Variants in PRDM15 observed in about 807,000 individuals in gnomAD.
The protein encoded by PRDM15 is PR/SET domain 15.
Under a neutral mutation model 128.6 loss-of-function variants are expected in PRDM15, and 64 were observed. The ratio of observed to expected loss-of-function variants is 0.50; its 90% CI spans 0.41 to 0.61. The LOEUF is 0.61. Among genes scored for constraint, PRDM15 ranks in the 20% least tolerant of loss-of-function variants. The probability of loss-of-function intolerance (pLI) is 0.00; values close to 1 mark genes in which losing one functional copy is unlikely to be tolerated. For missense variants in PRDM15, 1,242 were observed against 1,569.1 expected, an observed-to-expected ratio of 0.79 and a Z score of 3.52; for synonymous variants, 615 against 621.8, an observed-to-expected ratio of 0.99 and a Z score of 0.16.
chr21:41,836,232 T>C, intron 9 of PRDM15, 25 bp from the exon 10 acceptor site: 1 of 1,596,790 alleles, frequency 6.3e-7, no homozygotes, highest in Non-Finnish European at 8.6e-7. Context: ...AACAGAGAGC[T>C]CATTCACTAC....
rs927147256 is a variant in PRDM15 at position 41,859,839 on chromosome 21, T to C, written c.38-154A>G. Among the ~76,000 whole-genome samples the C allele has an allele frequency of 2.0e-5, 3 of 151,950 alleles. No individual in the cohort carries two copies. Among genetic ancestry groups the C allele is most frequent in the African/African-American group, 4.8e-5 (2 of 41,364 alleles). ...GCAAAGACAAGCAAGGGAGGGTGCATTGGATGGCAGAAGGCCTGTGTCCCG... is the reference window on the plus strand; with the variant it reads ...GCAAAGACAAGCAAGGGAGGGTGCACTGGATGGCAGAAGGCCTGTGTCCCG... On this transcript the variant is annotated intron_variant, in intron 2 of 23. Transcript: ENST00000398548. This position sits in a 1 kb window ranked among gnomAD's most constrained non-coding sequence, Gnocchi z 5.3.
chr21:41,874,525 A>ATATATATATATTTTT, intron 1 of PRDM15, among the ~76,000 whole-genome samples: 7 of 95,812 alleles, frequency 7.3e-5, no homozygotes, highest in Non-Finnish European at 1.4e-4. Context: ...ATATATATAT[A>ATATATATATATTTTT]TTTTTTTTTT....
In PRDM15 at chr21:41,862,480, A is replaced by T. The variant is rs2063851420; in HGVS notation, c.-9-2108T>A. ...CCCAAAAAAGGTCCCCTCTGAGCGG[A>T]GCTGCTGGGAGAGGAAACCCAGAAG... On this transcript the variant is annotated intron_variant, in intron 1 of 23. Coordinates refer to ENST00000398548, the MANE Select transcript of PRDM15 (RefSeq NM_001040424.3). This position sits in a 1 kb window ranked among gnomAD's most constrained non-coding sequence, Gnocchi z 4.1. Among the ~76,000 whole-genome samples the T allele has an allele frequency of 3.3e-5, 5 of 152,074 alleles. No homozygotes were observed. The South Asian group carries it at 1.0e-3, about 32-fold the overall frequency.
chr21:41,821,467 AG>A lies in PRDM15; in HGVS notation c.1897-238del, dbSNP rs1370041695. 6.6e-6 allele frequency among the ~76,000 whole-genome samples: 1 copy of A among 152,108 alleles called. No individual in the cohort carries two copies. Among genetic ancestry groups the A allele is most frequent in the Non-Finnish European group, 1.5e-5 (1 of 68,010 alleles). ...GGAAACAAACCACCCTCCTTTTTGGAGAGCCCCTTCCATGCACAGGGGAGGC... is the reference window on the plus strand; with the variant it reads ...GGAAACAAACCACCCTCCTTTTTGGAAGCCCCTTCCATGCACAGGGGAGGC... On this transcript the variant is annotated intron_variant, in intron 15 of 23. Transcript: ENST00000398548. The surrounding 1 kb of genome is among the most constrained non-coding windows in gnomAD (Gnocchi z 5.4).
At chr21:41,838,107 G>C in intron 7 of PRDM15, 44 bp from the exon 8 acceptor site, 1 of 1,606,854 alleles carries the variant, frequency 6.2e-7, no homozygotes, top group South Asian at 1.1e-5. Context: ...ACAAGAGCAG[G>C]GGACAAACAC....
intron 1 of PRDM15, among the ~76,000 whole-genome samples, chr21:41,869,832 G>A (rs930081243): frequency 9.9e-5 from 15 of 152,244 alleles, no homozygotes; most frequent in African/African-American, 3.4e-4. Context: ...CTGAGGCTGA[G>A]GTCCACCTTT....
chr21:41,871,494 C>G (rs1216159760), intron 1 of PRDM15: 1 of 1,596,702 alleles, frequency 6.3e-7, no homozygotes, highest in Admixed American at 1.7e-5. Context: ...GTGAGCCCAC[C>G]AGGAGGTAGG....
intron 21 of PRDM15, among the ~76,000 whole-genome samples, chr21:41,805,720 T>TAAGCACCAC (rs2061539882): frequency 6.8e-6 from 1 of 147,584 alleles, no homozygotes; most frequent in Non-Finnish European, 1.5e-5. Context: ...ATCACCACCA[T>TAAGCACCAC]AAGCACCACC....
chr21:41,803,034 T>C, intron 22 of PRDM15, 113 bp from the exon 23 acceptor site: 1 of 801,516 alleles, frequency 1.2e-6, no homozygotes, highest in Non-Finnish European at 2.1e-6. Flanking sequence ...GGGACGCTTG[T>C]GGGCCACCGA....
intron 18 of PRDM15, among the ~76,000 whole-genome samples, chr21:41,817,364 C>G (rs1344802220): frequency 1.3e-5 from 2 of 152,152 alleles, no homozygotes; most frequent in Non-Finnish European, 2.9e-5. Flanking sequence ...TGATGTGATT[C>G]TGAACAAGAC....
At chr21:41,816,125 G>A (rs4075970) in intron 18 of PRDM15, among the ~76,000 whole-genome samples, 70,523 of 152,166 alleles carry the variant, frequency 0.46, 16,848 homozygotes, top group Non-Finnish European at 0.53. Context: ...ACTTCCCTGC[G>A]TGCCCATGGC....
At chr21:41,864,545 C>G (rs1356573503) in intron 1 of PRDM15, among the ~76,000 whole-genome samples, 1 of 152,008 alleles carries the variant, frequency 6.6e-6, no homozygotes, top group South Asian at 2.1e-4. Flanking sequence ...CATCTTAGGA[C>G]GCAGTTGTCA....
intron 22 of PRDM15, among the ~76,000 whole-genome samples, chr21:41,803,356 C>T (rs1199570451): frequency 2.6e-5 from 4 of 152,200 alleles, no homozygotes; most frequent in African/African-American, 9.7e-5. Context: ...GATTTGACCA[C>T]AAAACCTGCA....
chr21:41,829,668 C>T (rs1344272942), intron 11 of PRDM15, among the ~76,000 whole-genome samples: 5 of 151,558 alleles, frequency 3.3e-5, no homozygotes, highest in Admixed American at 2.0e-4. Context: ...ACATACCACA[C>T]ATACACCCCA....
At chr21:41,856,929 C>A (rs1343170149) in intron 4 of PRDM15, among the ~76,000 whole-genome samples, 1 of 152,210 alleles carries the variant, frequency 6.6e-6, no homozygotes, top group Non-Finnish European at 1.5e-5. Flanking sequence ...GTTTCTCCTG[C>A]ATATGTCTTA....
chr21:41,801,466 G>T lies in PRDM15; in HGVS notation c.3200C>A (p.Pro1067Gln). 1 of 1,614,218 alleles carries T rather than the reference G, an allele frequency of 6.2e-7. No individual in the cohort carries two copies. Among genetic ancestry groups the T allele is most frequent in the Non-Finnish European group, 8.5e-7 (1 of 1,180,034 alleles). Residue 1067 changes from proline (P) to glutamine (Q), a missense_variant, in exon 24 of 24, where the codon CCG (proline) becomes CAG (glutamine). By Grantham distance (76) the Pro-to-Gln change is moderately conservative. Around this residue, in one of 3 missense-constraint regions of PRDM15, gnomAD observed 602 missense variants for 788.3 expected, o/e 0.76. Transcript: ENST00000398548. The part of the protein sequence containing the change: ...RQNDVQIHPQ[P>Q]EASNPQSVAH... ...CACAGACTGTGGGTTCGAGGCTTCC[G>T]GCTGGGGGTGGATCTGGACGTCATT... is the stretch of plus-strand genomic sequence containing the variant.
At chr21:41,806,019 C>T (rs1245302731) in intron 21 of PRDM15, among the ~76,000 whole-genome samples, 1,052 of 57,262 alleles carry the variant, frequency 0.018, 27 homozygotes, top group African/African-American at 0.056. Context: ...CCACCACCAT[C>T]ACCACCACCA....
At chr21:41,831,797 G>A (rs1352105422) in intron 11 of PRDM15, among the ~76,000 whole-genome samples, 1 of 152,166 alleles carries the variant, frequency 6.6e-6, no homozygotes, top group Non-Finnish European at 1.5e-5. Flanking sequence ...GCTGAACACA[G>A]TAGAGGTGGC....
chr21:41,816,991 A>C (rs2062077071), intron 18 of PRDM15, among the ~76,000 whole-genome samples: 1 of 152,146 alleles, frequency 6.6e-6, no homozygotes, highest in Non-Finnish European at 1.5e-5. Context: ...AAATTTCAAA[A>C]CTAATACACA....
Sources: gnomAD v4.1 joint callset for allele counts (sites outside exome capture counted in the v4.1 genomes callset) on GRCh38, gnomAD v4.1.1 for gene constraint, gnomAD v4.1.1 regional missense constraint, Gnocchi (gnomAD v3.1) non-coding constraint, MANE v1.5 for transcripts, NCBI Gene and HGNC (gene_info 2026-07-23, HGNC 2026-07-21) for gene names.